Variants in ADGRL3 observed in about 807,000 individuals in gnomAD.
The protein encoded by ADGRL3 is calcium-independent alpha-latrotoxin receptor 3.
ADGRL3 carries 62 observed loss-of-function variants against 153.5 expected under a neutral mutation model. The ratio of observed to expected loss-of-function variants is 0.40; its 90% CI spans 0.33 to 0.50. The LOEUF is 0.50. Among genes scored for constraint, ADGRL3 ranks in the 20% least tolerant of loss-of-function variants. ADGRL3 has a pLI of 0.47. For missense variants in ADGRL3, 1,641 were observed against 1,859.4 expected, an observed-to-expected ratio of 0.88 and a Z score of 2.16; for synonymous variants, 710 against 672.5, an observed-to-expected ratio of 1.06 and a Z score of -0.86.
chr4:61,205,400 A>G (rs1170995873), intron 1 of ADGRL3, among the ~76,000 whole-genome samples: 2 of 152,196 alleles, frequency 1.3e-5, no homozygotes, highest in African/African-American at 4.8e-5. Flanking sequence ...CATGGTGTGA[A>G]TGGCTAGAGT....
At chr4:61,273,092 A>G (rs1482574334) in intron 1 of ADGRL3, among the ~76,000 whole-genome samples, 7 of 152,140 alleles carry the variant, frequency 4.6e-5, no homozygotes, top group Non-Finnish European at 8.8e-5. Flanking sequence ...GTTTTATGTA[A>G]ATGCTTAATA....
chr4:61,203,659 T>C (rs974699718), intron 1 of ADGRL3, among the ~76,000 whole-genome samples: 1 of 152,244 alleles, frequency 6.6e-6, no homozygotes, highest in African/African-American at 2.4e-5. Flanking sequence ...CTTTAGCACT[T>C]TTTCATTTGG....
intron 2 of ADGRL3, among the ~76,000 whole-genome samples, chr4:61,476,968 T>C (rs2098069950): frequency 2.6e-5 from 4 of 151,892 alleles, no homozygotes; most frequent in Admixed American, 2.6e-4. Flanking sequence ...ATTTATGTAG[T>C]TAGTTATTTT....
intron 8 of ADGRL3, among the ~76,000 whole-genome samples, chr4:61,759,741 G>T (rs1366042377): frequency 6.6e-6 from 1 of 152,154 alleles, no homozygotes; most frequent in Non-Finnish European, 1.5e-5. Context: ...GAGGAGGAGA[G>T]GCACTCTGAT....
intron 9 of ADGRL3, among the ~76,000 whole-genome samples, chr4:61,881,987 A>G (rs1016476223): frequency 5.3e-5 from 8 of 152,190 alleles, no homozygotes; most frequent in Non-Finnish European, 1.2e-4. Flanking sequence ...ACTCTGATTC[A>G]GTTGAACTGA....
At chr4:61,393,243 C>T (rs2096833851) in intron 2 of ADGRL3, among the ~76,000 whole-genome samples, 1 of 152,002 alleles carries the variant, frequency 6.6e-6, no homozygotes, top group South Asian at 2.1e-4. Flanking sequence ...AGTTAGTTGG[C>T]CTCTGTGTTT....
chr4:61,204,462 T>C (rs1736212350), intron 1 of ADGRL3, among the ~76,000 whole-genome samples: 1 of 152,200 alleles, frequency 6.6e-6, no homozygotes, highest in African/African-American at 2.4e-5. Context: ...AGTCCTTACA[T>C]TATAAGATTT....
intron 2 of ADGRL3, among the ~76,000 whole-genome samples, chr4:61,424,617 A>AT (rs1175293704): frequency 6.6e-6 from 1 of 152,156 alleles, no homozygotes; most frequent in Non-Finnish European, 1.5e-5. Context: ...TCTGGAATAA[A>AT]TGTACAACAT....
intron 24 of ADGRL3, among the ~76,000 whole-genome samples, chr4:62,041,458 G>A (rs930244486): frequency 1.3e-5 from 2 of 151,862 alleles, no homozygotes. Context: ...AAATAAAAAA[G>A]TGAAATATGT....
chr4:61,994,240 T>C (rs1452312077), intron 19 of ADGRL3, among the ~76,000 whole-genome samples: 1 of 152,110 alleles, frequency 6.6e-6, no homozygotes, highest in Non-Finnish European at 1.5e-5. Context: ...CTGGACCTCT[T>C]GGGCTCAAGC....
At chr4:61,919,021 A>G (rs971758463) in intron 13 of ADGRL3, among the ~76,000 whole-genome samples, 4 of 152,216 alleles carry the variant, frequency 2.6e-5, no homozygotes, top group African/African-American at 7.2e-5. Flanking sequence ...TTAATTGGCT[A>G]TGTGACAAAG....
chr4:61,549,478 G>C (rs1368637457), intron 4 of ADGRL3, among the ~76,000 whole-genome samples: 4 of 151,802 alleles, frequency 2.6e-5, no homozygotes, highest in African/African-American at 9.7e-5. Context: ...CCTCATTTTT[G>C]CCTGAGAACT....
At chr4:62,004,854 A>G (rs1390748738) in intron 21 of ADGRL3, among the ~76,000 whole-genome samples, 1 of 152,134 alleles carries the variant, frequency 6.6e-6, no homozygotes, top group Non-Finnish European at 1.5e-5. Flanking sequence ...TTTAAAGAGA[A>G]TTCTGAAAGT....
rs569530018 is a variant in ADGRL3, at chr4:61,939,746, G to A, written c.2419+3701G>A. ...GCCTCCCAAAGTGCTGGGATTACAG[G>A]CATGAGCCACCACACCCGGCCAAAA... is the stretch of plus-strand genomic sequence containing the variant. On this transcript the variant is annotated intron_variant, in intron 15 of 26. Coordinates refer to ENST00000683033, the MANE Select transcript of ADGRL3 (RefSeq NM_001387552.1). Among the ~76,000 whole-genome samples, 5 of 151,934 alleles carry A rather than the reference G, an allele frequency of 3.3e-5. No individual in the cohort carries two copies. The East Asian group carries it at 9.7e-4, about 30-fold the overall frequency.
intron 5 of ADGRL3, among the ~76,000 whole-genome samples, chr4:61,618,426 A>C (rs1416294109): frequency 2.0e-5 from 3 of 152,166 alleles, no homozygotes; most frequent in South Asian, 2.1e-4. Flanking sequence ...AGTCATAACA[A>C]ATTTCTCACA....
At chr4:61,430,248 A>C (rs905502138) in intron 2 of ADGRL3, among the ~76,000 whole-genome samples, 1 of 152,134 alleles carries the variant, frequency 6.6e-6, no homozygotes, top group African/African-American at 2.4e-5. Context: ...GAATCAACCA[A>C]CCTTGTCAAA....
intron 8 of ADGRL3, among the ~76,000 whole-genome samples, chr4:61,746,961 C>A (rs1035356170): frequency 6.6e-6 from 1 of 151,882 alleles, no homozygotes; most frequent in African/African-American, 2.4e-5. Flanking sequence ...AGACTGCCAG[C>A]AAGACTAATA....
Position 61,374,457 on chromosome 4 carries a change from A to G in ADGRL3, c.-239-8667A>G, listed in dbSNP as rs1257377397. ...AACATGTTTTCTGATTCAGGCTTGT[A>G]AGTTACATTGGTTTGATTTCCAGAT... On this transcript the variant is annotated intron_variant, in intron 1 of 26. Coordinates refer to ENST00000683033, the MANE Select transcript of ADGRL3 (RefSeq NM_001387552.1). Among the ~76,000 whole-genome samples the G allele has an allele frequency of 3.3e-5, 5 of 152,066 alleles. No homozygotes were observed. In the South Asian group the frequency reaches 1.0e-3, roughly 32 times the overall value.
chr4:61,282,322 A>G (rs1017739646), intron 1 of ADGRL3, among the ~76,000 whole-genome samples: 1 of 152,066 alleles, frequency 6.6e-6, no homozygotes, highest in African/African-American at 2.4e-5. Flanking sequence ...TTTAAAGACC[A>G]TGTTAAACTT....
Sources: allele counts gnomAD v4.1 joint callset (sites outside exome capture counted in the v4.1 genomes callset), GRCh38; gene constraint gnomAD v4.1.1; transcripts MANE v1.5; gene names NCBI Gene and HGNC (gene_info 2026-07-23, HGNC 2026-07-21).